TLN2: variants seen among roughly 807,000 people sequenced by gnomAD.
TLN2 encodes talin-2.
A neutral mutation model predicts 294.7 loss-of-function variants in TLN2; 118 were observed. That is an observed-to-expected ratio of 0.40 (90% CI 0.34 to 0.47). The LOEUF (loss-of-function observed/expected upper bound fraction) is 0.47. Ranked by LOEUF, TLN2 falls within the 20% of genes least tolerant of loss-of-function variation. TLN2 has a pLI of 0.84. For synonymous variants in TLN2, 1,431 were observed against 1,304.5 expected, an observed-to-expected ratio of 1.10 and a Z score of -2.09; for missense variants, 3,083 against 3,282.2, an observed-to-expected ratio of 0.94 and a Z score of 1.48.
chr15:62,669,178 T>A (rs2055090381), intron 9 of TLN2, among the ~76,000 whole-genome samples: 1 of 152,236 alleles, frequency 6.6e-6, no homozygotes. Context: ...CTATATGTCA[T>A]TTGATACATT....
In TLN2 at chr15:62,820,622, T is replaced by C. The variant is rs1467947395; in HGVS notation, c.7002+12T>C. ...GAGCAAAACCAAAAGTAAGTGTTCA[T>C]TTATGGTTGGCTGTCCGATGTCAGT... On this transcript the variant is annotated intron_variant, in intron 54 of 58. Transcript: ENST00000636159. 2 of 1,611,154 alleles carry C rather than the reference T, an allele frequency of 1.2e-6. No individual in the cohort carries two copies. Among genetic ancestry groups the C allele is most frequent in the South Asian group, 1.1e-5 (1 of 90,802 alleles).
intron 52 of TLN2, among the ~76,000 whole-genome samples, chr15:62,818,607 T>G (rs564008566): frequency 3.3e-5 from 5 of 152,160 alleles, no homozygotes; most frequent in Non-Finnish European, 7.3e-5. Context: ...TTGAACTAAT[T>G]CAAAAGAGAG....
chr15:62,833,493 T>C lies in TLN2; in HGVS notation c.7003-11T>C, dbSNP rs1390638871. ...TGAATTGAATGTGATGCTGTTTTCTTTTGGTTATAGCAAGCGGATGAGACC... is the reference window on the plus strand; with the variant it reads ...TGAATTGAATGTGATGCTGTTTTCTCTTGGTTATAGCAAGCGGATGAGACC... On this transcript the variant is annotated splice_polypyrimidine_tract_variant and intron_variant, in intron 54 of 58. Transcript: ENST00000636159. 2 of 1,612,526 alleles carry C rather than the reference T, an allele frequency of 1.2e-6. No individual in the cohort carries two copies. The highest frequency in any genetic ancestry group is 1.7e-6 in the Non-Finnish European group (2 of 1,179,136).
At chr15:62,437,578 A>T (rs544739959) in intron 1 of TLN2, among the ~76,000 whole-genome samples, 1 of 152,198 alleles carries the variant, frequency 6.6e-6, no homozygotes, top group Admixed American at 6.5e-5. Context: ...GTTTGTTGGT[A>T]TAGGTACATT....
At chr15:62,706,254 T>G (rs1287923847) in intron 19 of TLN2, among the ~76,000 whole-genome samples, 1 of 152,186 alleles carries the variant, frequency 6.6e-6, no homozygotes, top group African/African-American at 2.4e-5. Flanking sequence ...AGAAGTAAAT[T>G]AATTGTAACC....
intron 1 of TLN2, among the ~76,000 whole-genome samples, chr15:62,475,771 T>A (rs2037752219): frequency 6.6e-6 from 1 of 152,200 alleles, no homozygotes; most frequent in Middle Eastern, 3.2e-3. Context: ...TCATTTGGGA[T>A]TAAGGAGAGA....
chr15:62,481,786 T>TTTTG (rs2038105681), intron 1 of TLN2, among the ~76,000 whole-genome samples: 1 of 141,000 alleles, frequency 7.1e-6, no homozygotes, highest in African/African-American at 2.6e-5. Flanking sequence ...TTATTTTTCT[T>TTTTG]TTTCTTTCTT....
chr15:62,426,755 C>T (rs2034738403), intron 1 of TLN2, among the ~76,000 whole-genome samples: 1 of 152,072 alleles, frequency 6.6e-6, no homozygotes, highest in African/African-American at 2.4e-5. Flanking sequence ...TTTTGGGAGG[C>T]CCTGCCTTGT....
chr15:62,648,847 A>G (rs2052242148), intron 4 of TLN2, among the ~76,000 whole-genome samples: 1 of 151,358 alleles, frequency 6.6e-6, no homozygotes, highest in African/African-American at 2.4e-5. Flanking sequence ...CCACGCCTGG[A>G]CGATTATTAT....
intron 1 of TLN2, among the ~76,000 whole-genome samples, chr15:62,451,556 C>T (rs1339257088): frequency 6.6e-6 from 1 of 152,082 alleles, no homozygotes; most frequent in Non-Finnish European, 1.5e-5. Flanking sequence ...ACTCAGGAGG[C>T]GGAGGCAGGA....
At chr15:62,456,365 C>G (rs997190342) in intron 1 of TLN2, among the ~76,000 whole-genome samples, 17 of 152,306 alleles carry the variant, frequency 1.1e-4, no homozygotes, top group African/African-American at 4.1e-4. Context: ...GCAGCCTCAG[C>G]CGCACGGAAG....
At position 62,572,954 on chromosome 15, in the gene TLN2, C is replaced by G. The variant is rs547547922; in HGVS notation, c.-237-16733C>G. ...TCCCCTGGCCAAGTCCCGGCTTCAC[C>G]ATGGAGCTGGTGCCCTGCTCACGGG... On this transcript the variant is annotated intron_variant, in intron 1 of 58. Transcript: ENST00000636159. 7.2e-5 allele frequency among the ~76,000 whole-genome samples: 11 copies of G among 152,116 alleles called. No homozygotes were observed. In the East Asian group the frequency reaches 1.8e-3, roughly 24 times the overall value.
chr15:62,646,006 T>C (rs2051783378), intron 3 of TLN2, among the ~76,000 whole-genome samples: 2 of 152,096 alleles, frequency 1.3e-5, no homozygotes, highest in African/African-American at 4.8e-5. Flanking sequence ...TTTCTGGCCA[T>C]GAAATAGAGC....
At chr15:62,783,552 G>A (rs924357541) in intron 44 of TLN2, among the ~76,000 whole-genome samples, 2 of 152,234 alleles carry the variant, frequency 1.3e-5, no homozygotes, top group Non-Finnish European at 2.9e-5. Flanking sequence ...GGGGCCCTGC[G>A]AGGGCTCTGG....
At chr15:62,599,380 A>G (rs1372664553) in intron 2 of TLN2, among the ~76,000 whole-genome samples, 3 of 152,148 alleles carry the variant, frequency 2.0e-5, no homozygotes, top group African/African-American at 7.2e-5. Flanking sequence ...GTGACTTGAA[A>G]TTTTTTATAT....
intron 23 of TLN2, among the ~76,000 whole-genome samples, chr15:62,717,148 C>T (rs1416315683): frequency 6.6e-6 from 1 of 152,136 alleles, no homozygotes; most frequent in Non-Finnish European, 1.5e-5. Flanking sequence ...TGGAAAGTCT[C>T]TGCATTTTGG....
intron 52 of TLN2, among the ~76,000 whole-genome samples, chr15:62,815,333 A>G (rs1415257348): frequency 6.6e-6 from 1 of 152,046 alleles, no homozygotes; most frequent in Non-Finnish European, 1.5e-5. Context: ...GTTGACTAAA[A>G]CCAGACTGTA....
Position 62,717,633 on chromosome 15 carries a change from G to A in TLN2, c.2821G>A (p.Ala941Thr), listed in dbSNP as rs192124826. The change falls in exon 24 of 59, where the codon GCA becomes ACA. Residue 941 changes from alanine to threonine, a missense_variant. Transcript: ENST00000636159. ...ATQTIAASQN[A>T]AVSNKNPAAQ... is the part of the protein sequence containing the mutation. ...ACAGACCATCGCCGCCTCCCAGAAT[G>A]CAGCTGTTTCCAACAAGAACCCTGC... 238 of 1,605,688 alleles carry A rather than the reference G, an allele frequency of 1.5e-4. No individual in the cohort carries two copies. The highest frequency in any genetic ancestry group is 6.6e-4 in the Middle Eastern group (4 of 6,054).
At chr15:62,469,962 G>A (rs1475014210) in intron 1 of TLN2, among the ~76,000 whole-genome samples, 1 of 150,704 alleles carries the variant, frequency 6.6e-6, no homozygotes, top group Non-Finnish European at 1.5e-5. Context: ...GTGTGAGAGA[G>A]AGAGCGAGAG....
Sources: allele counts gnomAD v4.1 joint callset (sites outside exome capture counted in the v4.1 genomes callset), GRCh38; gene constraint gnomAD v4.1.1; transcripts MANE v1.5; gene names NCBI Gene and HGNC (gene_info 2026-07-23, HGNC 2026-07-21).